WASF2: variants seen among roughly 807,000 people sequenced by gnomAD.
The protein encoded by WASF2 is actin-binding protein WASF2.
A neutral mutation model predicts 45.0 loss-of-function variants in WASF2; 14 were observed. That is an observed-to-expected ratio of 0.31 (90% CI 0.21 to 0.49). The LOEUF is 0.49. Ranked by LOEUF, WASF2 falls within the 20% of genes least tolerant of loss-of-function variation. The pLI is 0.99. For synonymous variants in WASF2, 200 were observed against 236.3 expected, an observed-to-expected ratio of 0.85 and a Z score of 1.41; for missense variants, 439 against 636.1, an observed-to-expected ratio of 0.69 and a Z score of 3.33.
At chr1:27,473,340 C>G (rs191344686) in intron 1 of WASF2, among the ~76,000 whole-genome samples, 1 of 149,760 alleles carries the variant, frequency 6.7e-6, no homozygotes, top group Non-Finnish European at 1.5e-5. Flanking sequence ...ATTAGCCGGG[C>G]GTGGTGGCAG....
At chr1:27,421,013 C>T (rs561867073) in intron 2 of WASF2, among the ~76,000 whole-genome samples, 11 of 152,362 alleles carry the variant, frequency 7.2e-5, no homozygotes, top group Admixed American at 4.6e-4. Flanking sequence ...GGGTGAACTG[C>T]AGCTCACCTT....
Position 27,414,776 on chromosome 1 carries a change from A to C in WASF2, c.668+57T>G, listed in dbSNP as rs1333659187. ...AAAGGTGTCACACCAGAGCTGTCAG[A>C]CTGTTGTCCCCAGCCCCTTCAAAGA... is the stretch of plus-strand genomic sequence containing the variant. On this transcript the variant is annotated intron_variant, in intron 6 of 8. Transcript: ENST00000618852. This position sits in a 1 kb window ranked among gnomAD's most constrained non-coding sequence, Gnocchi z 4.1. 2 of 1,593,798 alleles carry C rather than the reference A, an allele frequency of 1.3e-6. No individual in the cohort carries two copies. The highest frequency in any genetic ancestry group is 1.7e-6 in the Non-Finnish European group (2 of 1,168,414).
chr1:27,462,277 T>C (rs1166537528), intron 1 of WASF2, among the ~76,000 whole-genome samples: 6 of 152,052 alleles, frequency 3.9e-5, no homozygotes, highest in Non-Finnish European at 7.4e-5. Flanking sequence ...TGCCTGGCCC[T>C]ATTATTAATT....
chr1:27,409,550 G>T, intron 8 of WASF2, 142 bp downstream of exon 8: 1 of 1,239,470 alleles, frequency 8.1e-7, no homozygotes. Context: ...CTGCTCCCAG[G>T]CCTAATGTCC....
rs202076130 is a variant in WASF2, at chr1:27,409,972, T to C, written c.1059A>G (p.Pro353=). The change falls in exon 8 of 9, where the codon CCA becomes CCG. Residue 353 remains proline (P), a synonymous_variant. Coordinates refer to ENST00000618852, the MANE Select transcript of WASF2 (RefSeq NM_006990.5). The part of the protein sequence containing the change: ...SPGTPPPPSP[P]SFPPHPDFAA... ...CAAAATCAGGGTGAGGTGGGAAAGA[T>C]GGGGGTGAGGGTGGTGGAGGCGTCC... The C allele has an allele frequency of 1.4e-5, 23 of 1,608,248 alleles. 1 individual carries two copies. The East Asian group carries it at 4.7e-4, about 33-fold the overall frequency.
intron 1 of WASF2, among the ~76,000 whole-genome samples, chr1:27,482,299 A>T (rs1571168803): frequency 6.6e-6 from 1 of 152,188 alleles, no homozygotes; most frequent in Non-Finnish European, 1.5e-5. Flanking sequence ...CACTGCCTTG[A>T]CCAATCCGCC....
At position 27,415,969 on chromosome 1, in the gene WASF2, G is replaced by A; in HGVS notation, c.537+16C>T. 6.3e-7 allele frequency: 1 copy of A among 1,599,238 alleles called. No individual in the cohort carries two copies. Among genetic ancestry groups the A allele is most frequent in the Non-Finnish European group, 8.6e-7 (1 of 1,166,832 alleles). On this transcript the variant is annotated intron_variant, in intron 5 of 8. Transcript: ENST00000618852. Reference sequence around the variant, plus strand: ...GTGCCTACTGATGTGGAGAACAGAGGCCCCTTTCCCCTCACCCTATGCTTT... The same window carrying A: ...GTGCCTACTGATGTGGAGAACAGAGACCCCTTTCCCCTCACCCTATGCTTT...
At chr1:27,428,956 G>T (rs190044624) in intron 1 of WASF2, 23 bp from the exon 2 acceptor site, 13 of 1,455,274 alleles carry the variant, frequency 8.9e-6, no homozygotes, top group African/African-American at 1.4e-5. Flanking sequence ...TAACAGGAAA[G>T]TATTACTCAA....
At chr1:27,470,880 G>A (rs2017678475) in intron 1 of WASF2, among the ~76,000 whole-genome samples, 2 of 152,282 alleles carry the variant, frequency 1.3e-5, no homozygotes, top group East Asian at 3.9e-4. Flanking sequence ...GCAAGGAGGA[G>A]ACAACCTGTA....
At chr1:27,443,771 T>C (rs2017276596) in intron 1 of WASF2, among the ~76,000 whole-genome samples, 1 of 152,058 alleles carries the variant, frequency 6.6e-6, no homozygotes, top group Non-Finnish European at 1.5e-5. Context: ...TACCTTATAC[T>C]ATAGTTGTAT....
At chr1:27,440,244 G>A (rs535390249) in intron 1 of WASF2, among the ~76,000 whole-genome samples, 8 of 152,048 alleles carry the variant, frequency 5.3e-5, no homozygotes, top group East Asian at 1.9e-4. Context: ...TTAAAATGGG[G>A]TGGGTATGGT....
In WASF2 at chr1:27,412,622, A is replaced by G; in HGVS notation, c.774T>C (p.Pro258=). The change falls in exon 7 of 9, where the codon CCT becomes CCC. Residue 258 remains proline (P), a synonymous_variant. Coordinates refer to ENST00000618852, the MANE Select transcript of WASF2 (RefSeq NM_006990.5). ...PPPQSDSASS[P]SPSFSEDNLP... ...AGTTGTCCTCGGAGAAGGAAGGAGAAGGTGAAGAAGCAGAGTCTGACTGTG... is the reference window on the plus strand; with the variant it reads ...AGTTGTCCTCGGAGAAGGAAGGAGAGGGTGAAGAAGCAGAGTCTGACTGTG... 6.2e-7 allele frequency: 1 copy of G among 1,614,242 alleles called. No homozygotes were observed. Among genetic ancestry groups the G allele is most frequent in the Middle Eastern group, 1.6e-4 (1 of 6,062 alleles).
chr1:27,489,450 ACG>A (rs2017998633), intron 1 of WASF2, among the ~76,000 whole-genome samples: 1 of 99,482 alleles, frequency 1.0e-5, no homozygotes, highest in African/African-American at 4.9e-5. Context: ...ACTTCATGGT[ACG>A]TACACACACA....
At chr1:27,415,405 C>T (rs1274621324) in intron 5 of WASF2, among the ~76,000 whole-genome samples, 1 of 152,196 alleles carries the variant, frequency 6.6e-6, no homozygotes, top group African/African-American at 2.4e-5. Flanking sequence ...ATTTTTCCGC[C>T]TGTGCAGCTG....
intron 1 of WASF2, among the ~76,000 whole-genome samples, chr1:27,458,066 T>C (rs1024533833): frequency 1.1e-4 from 17 of 151,852 alleles, no homozygotes; most frequent in Middle Eastern, 3.2e-3. Context: ...TCCCAGCACT[T>C]TGGGAGGCCG....
Position 27,487,792 on chromosome 1 carries a change from TTA to T in WASF2, c.-44+2192_-44+2193del, listed in dbSNP as rs549398597. ...ATTATATATTTATTTTATATTCTTA[TTA>T]TGTTATACATATATTTTATATATAA... On this transcript the variant is annotated intron_variant, in intron 1 of 8. Transcript: ENST00000618852. Among the ~76,000 whole-genome samples, 201 of 139,012 alleles carry T rather than the reference TTA, an allele frequency of 1.4e-3. 3 individuals are homozygous for T. Among genetic ancestry groups the T allele is most frequent in the Middle Eastern group, 7.2e-3 (2 of 278 alleles). The allele number at this position is 139,012 out of a possible 152,430, so 91.2% of individuals were successfully genotyped here.
chr1:27,486,869 A>C (rs1199777090), intron 1 of WASF2, among the ~76,000 whole-genome samples: 4 of 151,516 alleles, frequency 2.6e-5, no homozygotes, highest in African/African-American at 9.7e-5. Flanking sequence ...GGTTGCAGTA[A>C]GCCGAGATCA....
At chr1:27,465,161 G>A (rs2017597547) in intron 1 of WASF2, among the ~76,000 whole-genome samples, 1 of 152,146 alleles carries the variant, frequency 6.6e-6, no homozygotes, top group Non-Finnish European at 1.5e-5. Flanking sequence ...AAAATTCTCT[G>A]AACGCTACAG....
chr1:27,454,012 T>TA (rs1277467445), intron 1 of WASF2, among the ~76,000 whole-genome samples: 1 of 151,726 alleles, frequency 6.6e-6, no homozygotes, highest in Non-Finnish European at 1.5e-5. Flanking sequence ...CCATTTCCTT[T>TA]ACTTTATAGT....
Sources: allele counts gnomAD v4.1 joint callset (sites outside exome capture counted in the v4.1 genomes callset), GRCh38; gene constraint gnomAD v4.1.1; non-coding constraint Gnocchi (gnomAD v3.1); transcripts MANE v1.5; gene names NCBI Gene and HGNC (gene_info 2026-07-23, HGNC 2026-07-21).